The following MTHFD2L variants were observed in gnomAD, a reference collection of about 807,000 sequenced individuals.
MTHFD2L encodes the protein methylenetetrahydrofolate dehydrogenase (NADP+ dependent) 2 like.
A neutral mutation model predicts 34.9 loss-of-function variants in MTHFD2L; 29 were observed. The ratio of observed to expected loss-of-function variants is 0.83; its 90% CI spans 0.62 to 1.13. The LOEUF is 1.13. MTHFD2L is among the 50% of genes most tolerant of loss of function. The pLI is 0.00. For missense variants in MTHFD2L, 481 were observed against 446.5 expected (o/e 1.08, Z -0.70); for synonymous variants, 167 against 155.7 (o/e 1.07, Z -0.54).
At chr4:74,293,864 C>T (rs1647731719) in intron 7 of MTHFD2L, among the ~76,000 whole-genome samples, 1 of 152,164 alleles carries the variant, frequency 6.6e-6, no homozygotes, top group Admixed American at 6.6e-5. Flanking sequence ...GCTTAAGTGG[C>T]TTGCATTTAG....
intron 6 of MTHFD2L, among the ~76,000 whole-genome samples, chr4:74,228,965 G>C (rs1245763433): frequency 6.6e-6 from 1 of 152,164 alleles, no homozygotes; most frequent in Non-Finnish European, 1.5e-5. Flanking sequence ...ATACTAGTTA[G>C]AAGACATTTT....
intron 3 of MTHFD2L, among the ~76,000 whole-genome samples, chr4:74,198,684 G>A (rs1309843481): frequency 6.6e-6 from 1 of 151,992 alleles, no homozygotes; most frequent in Non-Finnish European, 1.5e-5. Flanking sequence ...GAATCTATAT[G>A]ATGATCTCCA....
rs570556130 is a variant in MTHFD2L, at chr4:74,302,612, T to C, written c.*803T>C. The C allele has an allele frequency of 2.3e-4, 35 of 151,930 alleles. No homozygotes were observed. The highest frequency in any genetic ancestry group is 8.2e-4 in the African/African-American group (34 of 41,486). 9.4% of individuals were successfully genotyped at this position (151,930 alleles called of 1,614,324 possible). A position where few individuals can be genotyped will look rare whatever the true frequency, so the allele number is the denominator to read the frequency against. Reference sequence around the variant, plus strand: ...CCTTCACTGAGCAATAGTGGAAAAATAAAAAAATAAGTAAACAGAAAAAAC... The same window carrying C: ...CCTTCACTGAGCAATAGTGGAAAAACAAAAAAATAAGTAAACAGAAAAAAC... On this transcript the variant is annotated 3_prime_UTR_variant, in exon 8 of 8. Transcript: ENST00000325278.
chr4:74,140,564 C>T, intron 1 of MTHFD2L: 1 of 979,140 alleles, frequency 1.0e-6, no homozygotes. Context: ...TTAGGCTATA[C>T]TACAAAAAAG....
intron 6 of MTHFD2L, among the ~76,000 whole-genome samples, chr4:74,262,578 A>T (rs768943750): frequency 1.3e-4 from 20 of 151,988 alleles, no homozygotes; most frequent in Non-Finnish European, 2.7e-4. Flanking sequence ...TAAAAGAACA[A>T]TTTATAGGAA....
At chr4:74,250,108 A>G (rs1182327543) in intron 6 of MTHFD2L, among the ~76,000 whole-genome samples, 9 of 152,152 alleles carry the variant, frequency 5.9e-5, no homozygotes, top group Admixed American at 5.9e-4. Context: ...CGTCACTTTC[A>G]GGTACACCAA....
chr4:74,125,228 A>G (rs1340888349), upstream of MTHFD2L, among the ~76,000 whole-genome samples: 1 of 152,170 alleles, frequency 6.6e-6, no homozygotes, highest in Non-Finnish European at 1.5e-5. Context: ...ATATGACTCC[A>G]GGTATCCTGG....
chr4:74,261,771 G>A (rs1744706948), intron 6 of MTHFD2L, among the ~76,000 whole-genome samples: 1 of 151,932 alleles, frequency 6.6e-6, no homozygotes, highest in Admixed American at 6.6e-5. Flanking sequence ...TTTTCCTTCT[G>A]CTTCTTAGCT....
intron 6 of MTHFD2L, among the ~76,000 whole-genome samples, chr4:74,255,654 C>T (rs1449769942): frequency 1.3e-5 from 2 of 152,110 alleles, no homozygotes. Context: ...CTCTCTTCCA[C>T]TTCTAGTAGT....
At chr4:74,127,971 T>A (rs1460827030) in intron 1 of MTHFD2L, among the ~76,000 whole-genome samples, 1 of 152,122 alleles carries the variant, frequency 6.6e-6, no homozygotes, top group Non-Finnish European at 1.5e-5. Flanking sequence ...CTCATTGTGG[T>A]TTGGATTTGC....
chr4:74,246,854 C>CA lies in MTHFD2L; in HGVS notation c.805+21461dup, dbSNP rs1742537089. Among the ~76,000 whole-genome samples, 4 of 152,120 alleles carry CA rather than the reference C, an allele frequency of 2.6e-5. No homozygotes were observed. The South Asian group carries it at 8.3e-4, about 31-fold the overall frequency. On this transcript the variant is annotated intron_variant, in intron 6 of 7. Transcript: ENST00000325278. ...TTGATCTGTATCTCTGTTTTGGTACCAGTAACATGCTGTTTTGGTTACTGT... is the reference window on the plus strand; with the variant it reads ...TTGATCTGTATCTCTGTTTTGGTACCAAGTAACATGCTGTTTTGGTTACTGT...
intron 6 of MTHFD2L, among the ~76,000 whole-genome samples, chr4:74,255,717 TC>T (rs1184909006): frequency 1.3e-5 from 2 of 152,110 alleles, no homozygotes; most frequent in Non-Finnish European, 2.9e-5. Flanking sequence ...AATGTTTAGC[TC>T]CCCCTTTTAT....
intron 1 of MTHFD2L, among the ~76,000 whole-genome samples, chr4:74,136,747 AACAGT>A (rs1404235837): frequency 1.3e-5 from 2 of 152,170 alleles, no homozygotes; most frequent in African/African-American, 4.8e-5. Flanking sequence ...TAGTAACCAA[AACAGT>A]ATGGTACTGG....
At chr4:74,288,113 A>T (rs753713877) in intron 7 of MTHFD2L, among the ~76,000 whole-genome samples, 4 of 152,150 alleles carry the variant, frequency 2.6e-5, no homozygotes, top group Non-Finnish European at 5.9e-5. Flanking sequence ...TAATAACCTC[A>T]TTTTAACTTA....
At chr4:74,130,439 A>G (rs907416206) in intron 1 of MTHFD2L, among the ~76,000 whole-genome samples, 9 of 152,126 alleles carry the variant, frequency 5.9e-5, no homozygotes, top group African/African-American at 1.9e-4. Context: ...CAAGATATGC[A>G]AAAAAATAAA....
At chr4:74,140,318 A>G (rs1578245167) in intron 1 of MTHFD2L, 1 of 163,148 alleles carries the variant, frequency 6.1e-6, no homozygotes, top group Non-Finnish European at 1.3e-5. Flanking sequence ...AGAGAAAAAT[A>G]TAAAAGATAA....
At chr4:74,216,649 C>A (rs1737262005) in intron 5 of MTHFD2L, among the ~76,000 whole-genome samples, 1 of 151,670 alleles carries the variant, frequency 6.6e-6, no homozygotes, top group African/African-American at 2.4e-5. Context: ...TATATGCAAA[C>A]CTTCACTCCT....
chr4:74,239,119 A>AT (rs1741306969), intron 6 of MTHFD2L, among the ~76,000 whole-genome samples: 1 of 152,200 alleles, frequency 6.6e-6, no homozygotes, highest in Non-Finnish European at 1.5e-5. Flanking sequence ...GATTAAGAAA[A>AT]TGTGGCACAT....
intron 1 of MTHFD2L, among the ~76,000 whole-genome samples, chr4:74,147,682 T>TTTTG (rs150712696): frequency 0.011 from 1,687 of 152,230 alleles, 12 homozygotes; most frequent in Non-Finnish European, 0.013. Flanking sequence ...ACACTTGTTA[T>TTTTG]TTTGTTTGTT....
Sources: allele counts gnomAD v4.1 joint callset (sites outside exome capture counted in the v4.1 genomes callset), GRCh38; gene constraint gnomAD v4.1.1; transcripts MANE v1.5; gene names NCBI Gene and HGNC (gene_info 2026-07-23, HGNC 2026-07-21).